The following LRPPRC variants were observed in gnomAD, a reference collection of about 807,000 sequenced individuals.
LRPPRC encodes leucine-rich PPR motif-containing protein, mitochondrial.
LRPPRC carries 120 observed loss-of-function variants against 180.3 expected under a neutral mutation model. That is an observed-to-expected ratio of 0.67 (90% CI 0.57 to 0.77). The LOEUF is 0.77. Among genes scored for constraint, LRPPRC ranks in the 30% least tolerant of loss-of-function variants. The pLI, the probability that LRPPRC is intolerant of heterozygous loss-of-function variation, is 0.00. For missense variants in LRPPRC, 2,012 were observed against 1,657.2 expected, an observed-to-expected ratio of 1.21 and a Z score of -3.72; for synonymous variants, 723 against 600.0, an observed-to-expected ratio of 1.21 and a Z score of -3.00.
At chr2:43,963,390 G>C in intron 12 of LRPPRC, 198 bp downstream of exon 12, 1 of 626,910 alleles carries the variant, frequency 1.6e-6, no homozygotes, top group Non-Finnish European at 2.8e-6. Context: ...GTTGCAGTGA[G>C]CCAAGATTGT....
intron 5 of LRPPRC, among the ~76,000 whole-genome samples, chr2:43,976,444 C>A (rs567104620): frequency 1.3e-5 from 2 of 152,100 alleles, no homozygotes; most frequent in East Asian, 3.8e-4. Context: ...ACTATCGATA[C>A]AAATACTAGA....
chr2:43,987,515 T>G (rs1252948151), intron 1 of LRPPRC, among the ~76,000 whole-genome samples: 8 of 143,458 alleles, frequency 5.6e-5, no homozygotes, highest in Admixed American at 5.5e-4. Flanking sequence ...AAAAAAAGGT[T>G]GGTATTCCCT....
chr2:43,956,232 C>T lies in LRPPRC; in HGVS notation c.1649+1153G>A, dbSNP rs150406492. Among the ~76,000 whole-genome samples the T allele has an allele frequency of 1.4e-3, 216 of 152,168 alleles. 2 individuals are homozygous for T. Among genetic ancestry groups the T allele is most frequent in the Admixed American group, 3.1e-3 (47 of 15,278 alleles). On this transcript the variant is annotated intron_variant, in intron 14 of 37. Coordinates refer to ENST00000260665, the MANE Select transcript of LRPPRC (RefSeq NM_133259.4). ...TAATAAAGAGATGTAGCAATCAAAT[C>T]CAATGCATCAATTTAATTGACTCCT...
At chr2:43,955,488 A>G (rs932247031) in intron 14 of LRPPRC, among the ~76,000 whole-genome samples, 19 of 151,708 alleles carry the variant, frequency 1.3e-4, no homozygotes, top group East Asian at 5.8e-4. Context: ...AAAAAAAAAA[A>G]AAAAGAAAAG....
intron 23 of LRPPRC, among the ~76,000 whole-genome samples, chr2:43,938,187 A>T (rs1672341270): frequency 1.1e-5 from 1 of 93,086 alleles, no homozygotes; most frequent in South Asian, 2.3e-4. Flanking sequence ...TACCCTTTAT[A>T]AAAAAAAAAA....
intron 25 of LRPPRC, among the ~76,000 whole-genome samples, chr2:43,931,535 C>CT (rs1672088063): frequency 6.6e-6 from 1 of 152,164 alleles, no homozygotes; most frequent in Non-Finnish European, 1.5e-5. Context: ...TTCCTTCTGC[C>CT]TGGAATGCTT....
At chr2:43,944,595 A>G (rs1672610626) in intron 22 of LRPPRC, among the ~76,000 whole-genome samples, 1 of 152,124 alleles carries the variant, frequency 6.6e-6, no homozygotes, top group Non-Finnish European at 1.5e-5. Flanking sequence ...ATGTTCTAAT[A>G]AATGATTTTC....
intron 1 of LRPPRC, among the ~76,000 whole-genome samples, chr2:43,983,143 GA>G (rs1359480606): frequency 1.3e-5 from 2 of 152,044 alleles, no homozygotes; most frequent in Non-Finnish European, 2.9e-5. Flanking sequence ...AGAATGGAAA[GA>G]AAAATGATTA....
chr2:43,899,764 C>T, intron 32 of LRPPRC, 159 bp from the exon 33 acceptor site: 1 of 611,520 alleles, frequency 1.6e-6, no homozygotes, highest in Admixed American at 2.8e-5. Flanking sequence ...GCAACTGAAA[C>T]CCTGAATCAC....
chr2:43,939,173 C>T (rs1363051922), intron 23 of LRPPRC, among the ~76,000 whole-genome samples: 2 of 151,044 alleles, frequency 1.3e-5, no homozygotes, highest in South Asian at 2.1e-4. Context: ...CCCAGCTACT[C>T]GGGAGGCTGA....
In LRPPRC at chr2:43,905,229, C is replaced by G. The variant is rs556618987; in HGVS notation, c.3364+463G>C. On this transcript the variant is annotated intron_variant, in intron 31 of 37. Transcript: ENST00000260665. ...TATTATAATCATTTGGTGCACAATCCCACACATTTAACACTCAATTTAACT... is the reference window on the plus strand; with the variant it reads ...TATTATAATCATTTGGTGCACAATCGCACACATTTAACACTCAATTTAACT... Among the ~76,000 whole-genome samples the G allele has an allele frequency of 8.9e-4, 136 of 152,186 alleles. 1 individual carries two copies. The highest frequency in any genetic ancestry group is 1.4e-3 in the Non-Finnish European group (94 of 67,994).
intron 29 of LRPPRC, among the ~76,000 whole-genome samples, chr2:43,916,579 T>C (rs1395637235): frequency 1.3e-5 from 2 of 152,188 alleles, no homozygotes; most frequent in African/African-American, 4.8e-5. Flanking sequence ...CAAAAAGTTA[T>C]TTTCAAAAAA....
At chr2:43,918,810 G>GAT (rs1315193377) in intron 27 of LRPPRC, among the ~76,000 whole-genome samples, 16 of 121,826 alleles carry the variant, frequency 1.3e-4, no homozygotes, top group Middle Eastern at 4.6e-3. Context: ...TATATATATA[G>GAT]ATATATATAT....
chr2:43,887,228 C>T lies in LRPPRC; in HGVS notation c.*1372G>A, dbSNP rs750310194. Reference sequence around the variant, plus strand: ...ATCTGGGCAGTGCTCAAGGGAAAGCCGCACTATGTCCACTGGGCCAAGACT... The same window carrying T: ...ATCTGGGCAGTGCTCAAGGGAAAGCTGCACTATGTCCACTGGGCCAAGACT... On this transcript the variant is annotated 3_prime_UTR_variant, in exon 38 of 38. Transcript: ENST00000260665. 4.6e-5 allele frequency: 7 copies of T among 151,282 alleles called. No individual in the cohort carries two copies. The highest frequency in any genetic ancestry group is 5.9e-5 in the Non-Finnish European group (4 of 67,918). The allele number at this position is 151,282 out of a possible 1,614,324, so 9.4% of individuals were successfully genotyped here. A position where few individuals can be genotyped will look rare whatever the true frequency, so the allele number is the denominator to read the frequency against.
At chr2:43,994,923 G>A (rs6711845) in intron 1 of LRPPRC, among the ~76,000 whole-genome samples, 30,074 of 152,142 alleles carry the variant, frequency 0.2, 3,618 homozygotes, top group African/African-American at 0.33. Context: ...CCAACAGAGT[G>A]CCTTGCATGT....
intron 11 of LRPPRC, among the ~76,000 whole-genome samples, chr2:43,969,901 C>G (rs989074878): frequency 1.3e-5 from 2 of 152,042 alleles, no homozygotes; most frequent in African/African-American, 4.8e-5. Context: ...GTCTCAAAAT[C>G]CTGGGCTCAA....
chr2:43,934,244 G>T lies in LRPPRC; in HGVS notation c.2682C>A (p.Leu894=). ...EQGEMVMLYD[L]FFAFLQTGNY... is the part of the protein sequence containing the mutation. The stretch of plus-strand genomic sequence containing the variant: ...TTCCTGTTTGTAGGAAGGCAAAGAA[G>T]AGATCATAGAGCATCACCATTTCAC... The change falls in exon 25 of 38, where the codon CTC becomes CTA. Residue 894 remains leucine (L), a synonymous_variant. Coordinates refer to ENST00000260665, the MANE Select transcript of LRPPRC (RefSeq NM_133259.4). The T allele has an allele frequency of 6.2e-7, 1 of 1,612,424 alleles. No individual in the cohort carries two copies. Among genetic ancestry groups the T allele is most frequent in the Non-Finnish European group, 8.5e-7 (1 of 1,178,880 alleles).
chr2:43,979,893 C>T lies in LRPPRC; in HGVS notation c.402G>A (p.Leu134=), dbSNP rs369904994. 14 of 1,613,360 alleles carry T rather than the reference C, an allele frequency of 8.7e-6. No individual in the cohort carries two copies. In the African/African-American group the frequency reaches 1.7e-4, roughly 20 times the overall value. The change falls in exon 3 of 38, where the codon TTG becomes TTA. Residue 134 remains leucine (L), a synonymous_variant. Transcript: ENST00000260665. ...TTCTCTCTTCAAGCTTTAGTTCAGG[C>T]AAGAGAGAACCACAACTACGTAGTA... The part of the protein sequence containing the change: ...LLLLRSCGSL[L]PELKLEERTE...
chr2:43,918,798 T>TATATAGAG (rs1558938195), intron 27 of LRPPRC, among the ~76,000 whole-genome samples: 5 of 136,388 alleles, frequency 3.7e-5, no homozygotes, highest in South Asian at 2.2e-4. Flanking sequence ...TATAGATATA[T>TATATAGAG]ATATATATAT....
Sources: allele counts gnomAD v4.1 joint callset (sites outside exome capture counted in the v4.1 genomes callset), GRCh38; gene constraint gnomAD v4.1.1; transcripts MANE v1.5; gene names NCBI Gene and HGNC (gene_info 2026-07-23, HGNC 2026-07-21).